HYCC2: variants seen among roughly 807,000 people sequenced by gnomAD.
The protein encoded by HYCC2 is hyccin PI4KA lipid kinase complex subunit 2, also known as hyccin 2.
chr2:201,038,426 A>G, the HYCC2 span, among the ~76,000 whole-genome samples: 18 of 152,202 alleles, frequency 1.2e-4, no homozygotes, highest in Non-Finnish European at 2.1e-4. Flanking sequence ...CCATGCTGCT[A>G]TAAAGACACA....
the HYCC2 span, among the ~76,000 whole-genome samples, chr2:201,053,963 C>G: frequency 6.6e-6 from 1 of 152,064 alleles, no homozygotes; most frequent in Non-Finnish European, 1.5e-5. Context: ...GACTCCATCT[C>G]AAAAACAAAC....
chr2:201,061,825 G>C, the HYCC2 span, among the ~76,000 whole-genome samples: 42 of 152,070 alleles, frequency 2.8e-4, no homozygotes, highest in Non-Finnish European at 4.7e-4. Flanking sequence ...ACACATTCTG[G>C]CCAGGTGCAG....
the HYCC2 span, among the ~76,000 whole-genome samples, chr2:201,014,983 A>C: frequency 6.6e-6 from 1 of 152,294 alleles, no homozygotes. Context: ...TATATTATCA[A>C]ATAACTATTA....
At chr2:200,981,538 C>T in the HYCC2 span, 1 of 1,614,202 alleles carries the variant, frequency 6.2e-7, no homozygotes, top group Non-Finnish European at 8.5e-7. This position sits in a 1 kb window ranked among gnomAD's most constrained non-coding sequence, Gnocchi z 4.5. Flanking sequence ...TAGACTTAAG[C>T]TATTGATTTT....
At chr2:201,003,071 C>CA in the HYCC2 span, among the ~76,000 whole-genome samples, 3 of 151,988 alleles carry the variant, frequency 2.0e-5, no homozygotes, top group Admixed American at 2.0e-4. Context: ...GAAAGAAATA[C>CA]AAAATTTTTT....
At chr2:201,066,627 T>C in the HYCC2 span, 11 of 152,212 alleles carry the variant, frequency 7.2e-5, no homozygotes, top group African/African-American at 2.7e-4. Flanking sequence ...AGGAGGTTAA[T>C]TGGCAAGTCT....
At chr2:201,010,476 T>A in the HYCC2 span, among the ~76,000 whole-genome samples, 1 of 152,196 alleles carries the variant, frequency 6.6e-6, no homozygotes, top group Non-Finnish European at 1.5e-5. Flanking sequence ...CTTATTGGAT[T>A]TTACTTAAAG....
chr2:201,060,083 C>T, the HYCC2 span, among the ~76,000 whole-genome samples: 2 of 148,222 alleles, frequency 1.3e-5, no homozygotes, highest in African/African-American at 5.0e-5. Flanking sequence ...CTTACTAAAC[C>T]ACAACTTTTC....
At chr2:200,989,517 C>G in the HYCC2 span, among the ~76,000 whole-genome samples, 1 of 152,028 alleles carries the variant, frequency 6.6e-6, no homozygotes, top group Non-Finnish European at 1.5e-5. Context: ...AATAAAATGG[C>G]TTTTGAGAAG....
chr2:200,979,593 A>T, the HYCC2 span: 1 of 152,594 alleles, frequency 6.6e-6, no homozygotes, highest in Admixed American at 6.5e-5. Context: ...TGGTAGAGAT[A>T]AAATTTTAAC....
the HYCC2 span, among the ~76,000 whole-genome samples, chr2:201,008,461 G>A: frequency 2.0e-5 from 3 of 152,160 alleles, no homozygotes; most frequent in Non-Finnish European, 2.9e-5. Flanking sequence ...ACTACTAAGT[G>A]TAAGTTAATG....
the HYCC2 span, among the ~76,000 whole-genome samples, chr2:201,062,681 G>T: frequency 6.7e-6 from 1 of 149,046 alleles, no homozygotes; most frequent in East Asian, 2.0e-4. Context: ...AGCCAGGAGT[G>T]GTAGCAAGCG....
the HYCC2 span, chr2:201,011,456 T>C: frequency 6.3e-7 from 1 of 1,576,040 alleles, no homozygotes; most frequent in East Asian, 2.3e-5. Context: ...ATTGTTCCCA[T>C]CTTTATCAGC....
At chr2:200,993,056 G>A in the HYCC2 span, 4 of 1,259,306 alleles carry the variant, frequency 3.2e-6, no homozygotes, top group Non-Finnish European at 4.6e-6. Flanking sequence ...AAATAAAATA[G>A]TTTTTGTTTT....
the HYCC2 span, among the ~76,000 whole-genome samples, chr2:201,001,907 A>G: frequency 6.6e-6 from 1 of 152,132 alleles, no homozygotes; most frequent in Non-Finnish European, 1.5e-5. Flanking sequence ...CCTGGCCTCC[A>G]GTAATCCACC....
the HYCC2 span, among the ~76,000 whole-genome samples, chr2:200,993,708 G>A: frequency 1.3e-5 from 2 of 151,822 alleles, no homozygotes; most frequent in South Asian, 2.1e-4. Flanking sequence ...ATGGCCAGGC[G>A]TGGTGGCTCA....
At chr2:201,022,772 GT>G in the HYCC2 span, 2 of 1,038,136 alleles carry the variant, frequency 1.9e-6, no homozygotes, top group East Asian at 2.7e-5. Context: ...AAATTTATGT[GT>G]TTTGGTATAC....
the HYCC2 span, chr2:201,009,311 A>T: frequency 1.3e-5 from 5 of 378,594 alleles, no homozygotes; most frequent in East Asian, 2.4e-4. Context: ...AACATTTTTT[A>T]AAAGTCATGT....
At chr2:201,051,131 G>A in the HYCC2 span, among the ~76,000 whole-genome samples, 1 of 152,064 alleles carries the variant, frequency 6.6e-6, no homozygotes, top group Admixed American at 6.6e-5. Context: ...GCATATAACG[G>A]CAGTTCAGGA....
Sources: allele counts gnomAD v4.1 joint callset (sites outside exome capture counted in the v4.1 genomes callset), GRCh38; gene constraint gnomAD v4.1.1; non-coding constraint Gnocchi (gnomAD v3.1); transcripts MANE v1.5; gene names NCBI Gene and HGNC (gene_info 2026-07-23, HGNC 2026-07-21).